Variants in ERICH3 observed in about 807,000 individuals in gnomAD.
ERICH3 encodes glutamate rich 3.
Under a neutral mutation model 131.1 loss-of-function variants are expected in ERICH3, and 126 were observed. The observed-to-expected ratio is 0.96, with a 90% CI of 0.83 to 1.11. The LOEUF is 1.11. Among genes scored for constraint, ERICH3 ranks in the 50% most tolerant of loss-of-function variants. ERICH3 has a pLI of 0.00. For missense variants in ERICH3, 2,050 were observed against 1,810.7 expected (o/e 1.13, Z -2.40); for synonymous variants, 695 against 644.6 (o/e 1.08, Z -1.18).
chr1:74,582,807 A>T (rs893583179), intron 12 of ERICH3, among the ~76,000 whole-genome samples: 1 of 152,192 alleles, frequency 6.6e-6, no homozygotes, highest in African/African-American at 2.4e-5. Context: ...AATATTTTGG[A>T]ATTTTTCAGG....
intron 8 of ERICH3, among the ~76,000 whole-genome samples, chr1:74,614,215 T>C (rs1333981279): frequency 6.6e-6 from 1 of 152,148 alleles, no homozygotes; most frequent in Non-Finnish European, 1.5e-5. Flanking sequence ...TTTACATGTT[T>C]GTGAAATCCA....
chr1:74,627,136 C>G (rs1649445349), intron 7 of ERICH3, among the ~76,000 whole-genome samples: 1 of 152,154 alleles, frequency 6.6e-6, no homozygotes, highest in Non-Finnish European at 1.5e-5. Flanking sequence ...ACTCTCCCCA[C>G]TGAGACAATT....
chr1:74,616,093 C>T (rs747558105), intron 8 of ERICH3, among the ~76,000 whole-genome samples: 1 of 152,146 alleles, frequency 6.6e-6, no homozygotes, highest in South Asian at 2.1e-4. Context: ...CCTCTGCCTC[C>T]TGGGTTCAAG....
rs1293952376 is a variant in ERICH3, at chr1:74,568,166, C to A, written c.*2292G>T. 2 of 152,054 alleles carry A rather than the reference C, an allele frequency of 1.3e-5. No individual in the cohort carries two copies. The highest frequency in any genetic ancestry group is 4.8e-5 in the African/African-American group (2 of 41,424). 9.4% of individuals were successfully genotyped at this position (152,054 alleles called of 1,614,324 possible). ...TAATAATGAAGAAACAGGAAACAAA[C>A]CATTTCAGGGGAACATACAAGTAAT... On this transcript the variant is annotated 3_prime_UTR_variant, in exon 15 of 15. Coordinates refer to ENST00000326665, the MANE Select transcript of ERICH3 (RefSeq NM_001002912.5).
At chr1:74,655,876 A>G (rs1257512169) in intron 1 of ERICH3, among the ~76,000 whole-genome samples, 1 of 152,198 alleles carries the variant, frequency 6.6e-6, no homozygotes, top group Non-Finnish European at 1.5e-5. Flanking sequence ...TTATTAAAAA[A>G]TAGAAATTTA....
intron 10 of ERICH3, among the ~76,000 whole-genome samples, chr1:74,603,875 A>G (rs879154540): frequency 4.0e-5 from 6 of 151,840 alleles, no homozygotes; most frequent in Admixed American, 3.9e-4. Flanking sequence ...GTGGCTCCTG[A>G]CTGATCGGGG....
chr1:74,584,945 C>T (rs1167611307), intron 12 of ERICH3, among the ~76,000 whole-genome samples: 2 of 152,138 alleles, frequency 1.3e-5, no homozygotes, highest in African/African-American at 4.8e-5. Flanking sequence ...TCCTGCCTGC[C>T]TGATGACAAA....
intron 12 of ERICH3, chr1:74,586,556 C>G: frequency 1.1e-6 from 1 of 883,452 alleles, no homozygotes; most frequent in Non-Finnish European, 1.4e-6. Flanking sequence ...TATCAAAAAC[C>G]TTAAAATATC....
intron 7 of ERICH3, among the ~76,000 whole-genome samples, chr1:74,629,848 G>T (rs1019305156): frequency 1.3e-5 from 2 of 152,100 alleles, no homozygotes; most frequent in Admixed American, 6.6e-5. Context: ...GCATATAAGC[G>T]ATAGAACTCT....
chr1:74,605,274 T>C (rs1469631078), intron 10 of ERICH3, among the ~76,000 whole-genome samples: 1 of 151,916 alleles, frequency 6.6e-6, no homozygotes, highest in Non-Finnish European at 1.5e-5. Flanking sequence ...CTTTGGCTTA[T>C]GAGAATGTTG....
intron 6 of ERICH3, chr1:74,634,612 T>G (rs1009318819): frequency 1.4e-6 from 1 of 706,386 alleles, no homozygotes; most frequent in East Asian, 2.7e-5. Flanking sequence ...TGAAACAAAG[T>G]ATTGATCAAA....
intron 11 of ERICH3, among the ~76,000 whole-genome samples, chr1:74,595,080 C>A (rs2100570286): frequency 6.6e-6 from 1 of 152,214 alleles, no homozygotes; most frequent in South Asian, 2.1e-4. Flanking sequence ...GAGTTCACAG[C>A]AAAATCTGCA....
chr1:74,668,164 A>G (rs927203472), intron 1 of ERICH3, among the ~76,000 whole-genome samples: 1 of 152,172 alleles, frequency 6.6e-6, no homozygotes, highest in Non-Finnish European at 1.5e-5. Flanking sequence ...GAATGGGCCA[A>G]TAGAATTGTT....
chr1:74,635,382 TATA>T (rs1248638713), intron 6 of ERICH3, among the ~76,000 whole-genome samples: 1 of 152,202 alleles, frequency 6.6e-6, no homozygotes, highest in Non-Finnish European at 1.5e-5. Flanking sequence ...AGCAGATTAA[TATA>T]TTATTATTTT....
At chr1:74,587,491 G>T (rs1291793513) in intron 12 of ERICH3, among the ~76,000 whole-genome samples, 1 of 151,756 alleles carries the variant, frequency 6.6e-6, no homozygotes, top group Admixed American at 6.6e-5. Flanking sequence ...AAATTAATAA[G>T]CCAATACACT....
At chr1:74,631,541 A>T (rs1351021466) in intron 7 of ERICH3, among the ~76,000 whole-genome samples, 172 bp downstream of exon 7, 2 of 152,116 alleles carry the variant, frequency 1.3e-5, no homozygotes, top group Non-Finnish European at 2.9e-5. Context: ...CAACTGAATT[A>T]CTCAAGCCTG....
rs543294063 is a variant in ERICH3 at position 74,568,585 on chromosome 1, T to A, written c.*1873A>T. On this transcript the variant is annotated 3_prime_UTR_variant, in exon 15 of 15. Transcript: ENST00000326665. ...GATTTATGATGTGCAGTGAGTAATA[T>A]CCTTGAATAGGGAGTAGGGCAGAGG... is the stretch of plus-strand genomic sequence containing the variant. The A allele has an allele frequency of 1.1e-4, 17 of 152,280 alleles. No homozygotes were observed. The highest frequency in any genetic ancestry group is 4.1e-4 in the African/African-American group (17 of 41,570). The allele number at this position is 152,280 out of a possible 1,614,324, so 9.4% of individuals were successfully genotyped here.
chr1:74,613,141 A>G (rs773803641), intron 8 of ERICH3, among the ~76,000 whole-genome samples: 116 of 152,340 alleles, frequency 7.6e-4, no homozygotes, highest in Non-Finnish European at 1.3e-3. Context: ...CTAGATCTAG[A>G]TCATCTTTTA....
chr1:74,610,773 C>T (rs1280069693), intron 9 of ERICH3, among the ~76,000 whole-genome samples: 1 of 151,864 alleles, frequency 6.6e-6, no homozygotes, highest in African/African-American at 2.4e-5. Flanking sequence ...AAGCTTACAC[C>T]CCAACTGCTG....
Sources: allele counts gnomAD v4.1 joint callset (sites outside exome capture counted in the v4.1 genomes callset), GRCh38; gene constraint gnomAD v4.1.1; transcripts MANE v1.5; gene names NCBI Gene and HGNC (gene_info 2026-07-23, HGNC 2026-07-21).